Variants in ZNF277 observed in about 807,000 individuals in gnomAD.
ZNF277 encodes nuclear receptor-interacting factor 4.
A neutral mutation model predicts 60.7 loss-of-function variants in ZNF277; 55 were observed. The ratio of observed to expected loss-of-function variants is 0.91; its 90% CI spans 0.73 to 1.13. The LOEUF is 1.13. Among genes scored for constraint, ZNF277 ranks in the 50% most tolerant of loss-of-function variants. ZNF277 has a pLI of 0.00. For synonymous variants in ZNF277, 178 were observed against 179.3 expected, an observed-to-expected ratio of 0.99 and a Z score of 0.06; for missense variants, 510 against 523.0, an observed-to-expected ratio of 0.98 and a Z score of 0.24.
intron 2 of ZNF277, among the ~76,000 whole-genome samples, chr7:112,289,789 A>G (rs976203588): frequency 6.6e-6 from 1 of 151,730 alleles, no homozygotes; most frequent in Non-Finnish European, 1.5e-5. Flanking sequence ...CAGTGGCACG[A>G]CCTTGGCTCA....
rs199547117 is a variant in ZNF277, at chr7:112,330,099, C to T, written c.684C>T (p.Tyr228=). 786 of 1,613,210 alleles carry T rather than the reference C, an allele frequency of 4.9e-4. 3 individuals are homozygous for T. Among genetic ancestry groups the T allele is most frequent in the Middle Eastern group, 3.3e-3 (20 of 6,050 alleles). Reference sequence around the variant, plus strand: ...TTTCTTGTAGTTTGCAGTGCTTGTACTGTGAGAAGACCTTCAGGGACAAAA... The same window carrying T: ...TTTCTTGTAGTTTGCAGTGCTTGTATTGTGAGAAGACCTTCAGGGACAAAA... ...QKKLDNLQCL[Y]CEKTFRDKNT... is the part of the protein sequence containing the mutation. Residue 228 remains tyrosine, a synonymous_variant, in exon 7 of 12, where the codon TAC becomes TAT. Transcript: ENST00000361822.
chr7:112,322,022 G>A (rs1171418631), intron 5 of ZNF277, among the ~76,000 whole-genome samples: 8 of 151,792 alleles, frequency 5.3e-5, no homozygotes, highest in Non-Finnish European at 1.0e-4. Flanking sequence ...CTTCGGGACA[G>A]AAGAAAAAAA....
At chr7:112,314,665 A>G (rs887910259) in intron 4 of ZNF277, among the ~76,000 whole-genome samples, 17 of 152,138 alleles carry the variant, frequency 1.1e-4, no homozygotes, top group African/African-American at 3.4e-4. Flanking sequence ...GCATAGTTGT[A>G]TGCCCCTGTA....
At chr7:112,257,703 C>A (rs1563206296) in intron 1 of ZNF277, among the ~76,000 whole-genome samples, 1 of 152,092 alleles carries the variant, frequency 6.6e-6, no homozygotes, top group Admixed American at 6.6e-5. Flanking sequence ...AATAACATAC[C>A]TTCTCTAAGG....
chr7:112,253,696 C>T (rs1223755627), intron 1 of ZNF277, among the ~76,000 whole-genome samples: 1 of 152,120 alleles, frequency 6.6e-6, no homozygotes, highest in African/African-American at 2.4e-5. Context: ...ATTTCTGCCA[C>T]TTTTCCTTCT....
chr7:112,336,473 AG>A (rs1222009766), intron 8 of ZNF277, among the ~76,000 whole-genome samples: 11 of 152,306 alleles, frequency 7.2e-5, no homozygotes, highest in African/African-American at 2.6e-4. Context: ...CAGACCTTGA[AG>A]TGATGTGATC....
At chr7:112,311,783 A>T (rs1792738607) in intron 4 of ZNF277, among the ~76,000 whole-genome samples, 1 of 152,178 alleles carries the variant, frequency 6.6e-6, no homozygotes, top group Non-Finnish European at 1.5e-5. Context: ...AAAAGAAAAA[A>T]TACTTTTCTT....
At chr7:112,220,459 A>C (rs527572833) in intron 1 of ZNF277, among the ~76,000 whole-genome samples, 82 of 152,262 alleles carry the variant, frequency 5.4e-4, no homozygotes, top group Non-Finnish European at 6.5e-4. Flanking sequence ...TGTATATAAG[A>C]GTATGTTGTT....
At chr7:112,323,316 C>G (rs1253234157) in intron 5 of ZNF277, among the ~76,000 whole-genome samples, 1 of 152,194 alleles carries the variant, frequency 6.6e-6, no homozygotes, top group East Asian at 1.9e-4. Flanking sequence ...TTGTTTGCTG[C>G]AATTAGTATT....
chr7:112,308,234 G>A (rs940295216), intron 4 of ZNF277, among the ~76,000 whole-genome samples: 1 of 151,946 alleles, frequency 6.6e-6, no homozygotes, highest in African/African-American at 2.4e-5. Flanking sequence ...TTGTGACCAT[G>A]GCTGGGTGCG....
chr7:112,242,859 A>G (rs1790992430), intron 1 of ZNF277, among the ~76,000 whole-genome samples: 1 of 152,134 alleles, frequency 6.6e-6, no homozygotes, highest in African/African-American at 2.4e-5. Context: ...CTGAATAGCC[A>G]AAGCAATCCT....
At chr7:112,296,360 A>C in intron 4 of ZNF277, 49 bp downstream of exon 4, 1 of 957,520 alleles carries the variant, frequency 1.0e-6, no homozygotes, top group Non-Finnish European at 1.6e-6. Flanking sequence ...ATACATATAA[A>C]TACATATAAA....
intron 1 of ZNF277, among the ~76,000 whole-genome samples, chr7:112,248,299 TA>T (rs1188865513): frequency 6.9e-6 from 1 of 145,456 alleles, no homozygotes; most frequent in Non-Finnish European, 1.5e-5. Flanking sequence ...TGGCTCTGAA[TA>T]GGGGGTGGGG....
intron 1 of ZNF277, among the ~76,000 whole-genome samples, chr7:112,219,535 C>T (rs1821972410): frequency 6.6e-6 from 1 of 152,112 alleles, no homozygotes; most frequent in Non-Finnish European, 1.5e-5. Context: ...ACCATAAATG[C>T]ACATATTAAT....
chr7:112,340,132 G>A (rs1793414681), intron 10 of ZNF277, among the ~76,000 whole-genome samples: 1 of 152,220 alleles, frequency 6.6e-6, no homozygotes. Flanking sequence ...TGAAATATAA[G>A]TTAGTGGTTA....
At chr7:112,330,492 C>CAAAAAAAA in intron 7 of ZNF277, 1 of 378,874 alleles carries the variant, frequency 2.6e-6, no homozygotes, top group Non-Finnish European at 4.6e-6. Context: ...TTTGGATATC[C>CAAAAAAAA]ACATACCATC....
At position 112,330,025 on chromosome 7, in the gene ZNF277, G is replaced by A. The variant is rs148412763; in HGVS notation, c.669-59G>A. ...AAATATGAAACTCAATAATAATAAA[G>A]GATTATTGCAGCAACTATACAAGAG... On this transcript the variant is annotated intron_variant, in intron 6 of 11. Transcript: ENST00000361822. The A allele has an allele frequency of 1.9e-6, 3 of 1,539,896 alleles. No individual in the cohort carries two copies. The Admixed American group carries it at 6.3e-5, about 33-fold the overall frequency.
In ZNF277 at chr7:112,318,162, A is replaced by T. The variant is rs73424473; in HGVS notation, c.466-20A>T. On this transcript the variant is annotated intron_variant, in intron 4 of 11. Transcript: ENST00000361822. ...AATTGTGCATTAAGATAATACCATA[A>T]ATCTGTTTCTACTTTCCAGAGAGAA... The T allele has an allele frequency of 6.3e-7, 1 of 1,597,362 alleles. No individual in the cohort carries two copies. Among genetic ancestry groups the T allele is most frequent in the South Asian group, 1.1e-5 (1 of 90,676 alleles).
chr7:112,254,778 T>C (rs1199134697), intron 1 of ZNF277, among the ~76,000 whole-genome samples: 4 of 152,010 alleles, frequency 2.6e-5, no homozygotes, highest in Non-Finnish European at 5.9e-5. Flanking sequence ...AGACCAGCCT[T>C]GGCAACATAG....
Sources: gnomAD v4.1 joint callset for allele counts (sites outside exome capture counted in the v4.1 genomes callset) on GRCh38, gnomAD v4.1.1 for gene constraint, MANE v1.5 for transcripts, NCBI Gene and HGNC (gene_info 2026-07-23, HGNC 2026-07-21) for gene names.